NPAS3: variants seen among roughly 807,000 people sequenced by gnomAD.
NPAS3 encodes the protein neuronal PAS domain-containing protein 3.
NPAS3 carries 14 observed loss-of-function variants against 73.1 expected under a neutral mutation model. The ratio of observed to expected loss-of-function variants is 0.19; its 90% CI spans 0.13 to 0.30. The LOEUF is 0.30. Ranked by LOEUF, NPAS3 falls within the 10% of genes least tolerant of loss-of-function variation. The pLI, the probability that NPAS3 is intolerant of heterozygous loss-of-function variation, is 1.00. For missense variants in NPAS3, 1,096 were observed against 1,250.0 expected, an observed-to-expected ratio of 0.88 and a Z score of 1.86; for synonymous variants, 620 against 541.5, an observed-to-expected ratio of 1.14 and a Z score of -2.01.
At chr14:33,215,040 C>T in intron 2 of NPAS3, 142 bp from the exon 3 acceptor site, 1 of 830,274 alleles carries the variant, frequency 1.2e-6, no homozygotes, top group Non-Finnish European at 1.9e-6. Context: ...TTTTCTGGAA[C>T]TCATTTTACT....
intron 2 of NPAS3, among the ~76,000 whole-genome samples, chr14:33,099,762 A>G (rs1033265151): frequency 2.0e-5 from 3 of 152,152 alleles, no homozygotes; most frequent in African/African-American, 7.2e-5. Flanking sequence ...TTATATACCT[A>G]TGTATATACC....
At chr14:33,196,958 T>C (rs1390990712) in intron 2 of NPAS3, among the ~76,000 whole-genome samples, 2 of 152,166 alleles carry the variant, frequency 1.3e-5, no homozygotes, top group African/African-American at 4.8e-5. Context: ...TCCCTTGTCA[T>C]CATGGTCCAA....
chr14:32,965,474 T>C (rs1239957828), intron 1 of NPAS3, among the ~76,000 whole-genome samples: 1 of 152,202 alleles, frequency 6.6e-6, no homozygotes, highest in Non-Finnish European at 1.5e-5. Flanking sequence ...ATCATCTCAA[T>C]AGATGAAGAA....
chr14:33,165,162 C>T (rs1033423972), intron 2 of NPAS3, among the ~76,000 whole-genome samples: 21 of 152,006 alleles, frequency 1.4e-4, no homozygotes, highest in African/African-American at 5.1e-4. Flanking sequence ...GCATTGGACT[C>T]GGCCTGTCGG....
chr14:32,957,413 G>A (rs1303679207), intron 1 of NPAS3, among the ~76,000 whole-genome samples: 3 of 147,252 alleles, frequency 2.0e-5, no homozygotes, highest in Non-Finnish European at 3.0e-5. Context: ...GCTCTGTGGC[G>A]CAGGCTGGAG....
intron 4 of NPAS3, among the ~76,000 whole-genome samples, chr14:33,507,963 C>G (rs2052851554): frequency 6.6e-6 from 1 of 151,928 alleles, no homozygotes; most frequent in African/African-American, 2.4e-5. Context: ...CTCCTTCCTA[C>G]TCCCCCTACC....
chr14:33,037,924 T>C (rs2040223969), intron 1 of NPAS3, among the ~76,000 whole-genome samples: 1 of 152,214 alleles, frequency 6.6e-6, no homozygotes, highest in African/African-American at 2.4e-5. Flanking sequence ...GACTTTTCTT[T>C]GATACTTTGG....
At chr14:33,250,009 T>C (rs1354504646) in intron 3 of NPAS3, among the ~76,000 whole-genome samples, 1 of 151,950 alleles carries the variant, frequency 6.6e-6, no homozygotes, top group Admixed American at 6.6e-5. Context: ...TGGCAGAGCA[T>C]TTGCTACAAA....
chr14:33,159,842 T>C (rs531459147), intron 2 of NPAS3, among the ~76,000 whole-genome samples: 59 of 152,322 alleles, frequency 3.9e-4, no homozygotes, highest in African/African-American at 1.3e-3. Flanking sequence ...CGTGAGCCAC[T>C]GCGTCTGGCC....
At chr14:33,580,395 A>T (rs2056615331) in intron 5 of NPAS3, among the ~76,000 whole-genome samples, 2 of 152,204 alleles carry the variant, frequency 1.3e-5, no homozygotes, top group Admixed American at 1.3e-4. Flanking sequence ...TTCCCTTCTA[A>T]GATGACTCCA....
intron 2 of NPAS3, among the ~76,000 whole-genome samples, chr14:33,105,690 A>G (rs1366796145): frequency 1.3e-5 from 2 of 151,798 alleles, no homozygotes; most frequent in South Asian, 2.1e-4. Flanking sequence ...AATTAGTGCT[A>G]GTTGCAACAA....
intron 7 of NPAS3, among the ~76,000 whole-genome samples, chr14:33,742,630 G>A (rs1356043941): frequency 1.3e-5 from 2 of 152,192 alleles, no homozygotes; most frequent in Non-Finnish European, 2.9e-5. Context: ...GCTGAAGGTT[G>A]GGGTGGCTGT....
intron 5 of NPAS3, among the ~76,000 whole-genome samples, chr14:33,666,172 A>G (rs747748039): frequency 4.6e-5 from 7 of 152,124 alleles, no homozygotes; most frequent in Non-Finnish European, 1.0e-4. Context: ...AAATCAATCA[A>G]TCACTTAGTG....
At chr14:33,422,623 C>T (rs1344475925) in intron 4 of NPAS3, among the ~76,000 whole-genome samples, 1 of 151,874 alleles carries the variant, frequency 6.6e-6, no homozygotes, top group Non-Finnish European at 1.5e-5. Context: ...AGGGCAGAGT[C>T]CCTTTTATTC....
intron 5 of NPAS3, among the ~76,000 whole-genome samples, chr14:33,623,196 T>C (rs534517306): frequency 1.3e-5 from 2 of 152,176 alleles, no homozygotes; most frequent in Admixed American, 6.5e-5. Flanking sequence ...AATATTAAGC[T>C]CAATATTTTG....
At chr14:33,621,115 C>T (rs1157374208) in intron 5 of NPAS3, among the ~76,000 whole-genome samples, 3 of 151,624 alleles carry the variant, frequency 2.0e-5, no homozygotes, top group Admixed American at 1.3e-4. Context: ...AACTGCAATA[C>T]GTGAAAAGGT....
At chr14:33,453,137 C>T (rs1008466950) in intron 4 of NPAS3, among the ~76,000 whole-genome samples, 21 of 152,092 alleles carry the variant, frequency 1.4e-4, no homozygotes, top group Admixed American at 1.2e-3. Flanking sequence ...TCAGGTGTGC[C>T]GGCCTCACCA....
At chr14:33,603,164 C>T (rs2057453326) in intron 5 of NPAS3, among the ~76,000 whole-genome samples, 1 of 152,142 alleles carries the variant, frequency 6.6e-6, no homozygotes, top group Admixed American at 6.5e-5. Context: ...AGACATGAAA[C>T]ATGTGGAAGA....
chr14:33,539,641 C>T (rs2054418598), intron 4 of NPAS3, among the ~76,000 whole-genome samples: 1 of 152,102 alleles, frequency 6.6e-6, no homozygotes, highest in Non-Finnish European at 1.5e-5. Context: ...CCACGTCCCA[C>T]AAAAAGAAGT....
Sources: allele counts gnomAD v4.1 joint callset (sites outside exome capture counted in the v4.1 genomes callset), GRCh38; gene constraint gnomAD v4.1.1; transcripts MANE v1.5; gene names NCBI Gene and HGNC (gene_info 2026-07-23, HGNC 2026-07-21).